MICAL3: variants seen among roughly 807,000 people sequenced by gnomAD.
The protein encoded by MICAL3 is microtubule associated monooxygenase, calponin and LIM domain containing 3.
In MICAL3, 62 loss-of-function variants were observed where a neutral mutation model predicts 207.4. That is an observed-to-expected ratio of 0.30 (90% CI 0.24 to 0.37). MICAL3 has a LOEUF of 0.37. Among genes scored for constraint, MICAL3 ranks in the 10% least tolerant of loss-of-function variants. The probability of loss-of-function intolerance (pLI) is 1.00; values close to 1 mark genes in which losing one functional copy is unlikely to be tolerated. For synonymous variants in MICAL3, 1,077 were observed against 1,069.3 expected (o/e 1.01, Z -0.14); for missense variants, 2,368 against 2,635.6 (o/e 0.90, Z 2.22).
rs776939266 is a variant in MICAL3 at position 17,900,804 on chromosome 22, A to G, written c.847+38T>C. The G allele has an allele frequency of 1.9e-6, 3 of 1,604,928 alleles. No individual in the cohort carries two copies. The South Asian group carries it at 3.3e-5, about 18-fold the overall frequency. On this transcript the variant is annotated intron_variant, in intron 6 of 31. Transcript: ENST00000441493. The surrounding 1 kb of genome is among the most constrained non-coding windows in gnomAD (Gnocchi z 4.0). Reference sequence around the variant, plus strand: ...AGAAAAAGCCACCAGGGACTATTTAAGTTTCTATCCTAGGGCTCCGGAGAC... The same window carrying G: ...AGAAAAAGCCACCAGGGACTATTTAGGTTTCTATCCTAGGGCTCCGGAGAC...
At chr22:17,905,233 A>G (rs1178329120) in intron 2 of MICAL3, among the ~76,000 whole-genome samples, 1 of 152,232 alleles carries the variant, frequency 6.6e-6, no homozygotes, top group Non-Finnish European at 1.5e-5. Flanking sequence ...TTTCTGTCCA[A>G]AGAGATACAG....
chr22:17,904,633 G>A lies in MICAL3; in HGVS notation c.471C>T (p.Ile157=). The change falls in exon 3 of 32, where the codon ATC becomes ATT. Residue 157 remains isoleucine, a splice_region_variant and synonymous_variant. Transcript: ENST00000441493. The stretch of plus-strand genomic sequence containing the variant: ...TACAGGAAAGCTAGTTTTACTTACT[G>A]ATATGGTCGATGGCTCCAGCACAGA... The part of the protein sequence containing the change: ...GKFCAGAIDH[I]SIRQLQLILL... The A allele has an allele frequency of 6.2e-7, 1 of 1,611,600 alleles. No homozygotes were observed. The highest frequency in any genetic ancestry group is 8.5e-7 in the Non-Finnish European group (1 of 1,178,146).
Position 17,985,702 on chromosome 22 carries a change from G to C in MICAL3, c.-75+38579C>G, listed in dbSNP as rs115642890. Among the ~76,000 whole-genome samples the C allele has an allele frequency of 7.0e-3, 1,072 of 152,168 alleles. 9 individuals carry two copies. The highest frequency in any genetic ancestry group is 0.015 in the African/African-American group (607 of 41,506). ...TACTTGACAAATGGCAAAATCATCA[G>C]GTAACTCACCTGAACTCACTGTGCA... On this transcript the variant is annotated intron_variant, in intron 1 of 31. Coordinates refer to ENST00000441493, the MANE Select transcript of MICAL3 (RefSeq NM_015241.3).
intron 19 of MICAL3, chr22:17,861,810 T>C (rs572641779): frequency 3.0e-6 from 3 of 985,296 alleles, no homozygotes; most frequent in African/African-American, 3.5e-5. Flanking sequence ...CTGTAAACAA[T>C]GCCCCCAAAC....
intron 1 of MICAL3, among the ~76,000 whole-genome samples, chr22:17,956,047 G>T (rs1315249864): frequency 1.3e-5 from 2 of 152,174 alleles, no homozygotes; most frequent in Admixed American, 1.3e-4. Flanking sequence ...GGGCTCCTGA[G>T]AGAGTGTCCT....
chr22:17,866,079 G>C, intron 17 of MICAL3, 67 bp from the exon 18 acceptor site: 2 of 1,195,244 alleles, frequency 1.7e-6, no homozygotes, highest in Admixed American at 3.5e-5. Flanking sequence ...TGCCTCCCTG[G>C]TCTCAGCCAC....
chr22:17,910,141 T>C (rs939839033), intron 1 of MICAL3, among the ~76,000 whole-genome samples: 2 of 152,172 alleles, frequency 1.3e-5, no homozygotes, highest in African/African-American at 4.8e-5. Context: ...CTCAGAACCA[T>C]GACATTCTTG....
intron 1 of MICAL3, among the ~76,000 whole-genome samples, chr22:17,923,324 CAGT>C (rs1932841470): frequency 6.6e-6 from 1 of 152,204 alleles, no homozygotes; most frequent in African/African-American, 2.4e-5. Flanking sequence ...TCCCAAAGAC[CAGT>C]TGCCAAAAAC....
At chr22:17,932,525 G>A (rs58629251) in intron 1 of MICAL3, among the ~76,000 whole-genome samples, 4,155 of 152,244 alleles carry the variant, frequency 0.027, 208 homozygotes, top group African/African-American at 0.096. Context: ...GCAAAAACAT[G>A]CCAAATTGTA....
At chr22:17,864,839 C>A (rs1396130070) in intron 19 of MICAL3, 60 bp downstream of exon 19, 1 of 1,613,790 alleles carries the variant, frequency 6.2e-7, no homozygotes, top group South Asian at 1.1e-5. Context: ...ATGCCCTTGG[C>A]CTTGTCACAG....
intron 1 of MICAL3, among the ~76,000 whole-genome samples, chr22:18,011,185 G>A (rs1442626846): frequency 8.5e-5 from 13 of 152,192 alleles, no homozygotes. Context: ...TCATTGACAA[G>A]TAGGCAGAGA....
At chr22:17,881,824 G>A (rs1929457490) in intron 16 of MICAL3, among the ~76,000 whole-genome samples, 1 of 152,214 alleles carries the variant, frequency 6.6e-6, no homozygotes, top group Non-Finnish European at 1.5e-5. Context: ...AAAGGCAGGA[G>A]CATGATGTCA....
chr22:17,882,457 AG>A (rs1356474271), intron 16 of MICAL3, among the ~76,000 whole-genome samples: 1 of 152,180 alleles, frequency 6.6e-6, no homozygotes, highest in Non-Finnish European at 1.5e-5. Flanking sequence ...CAGCCATGGG[AG>A]GCATCAGACA....
chr22:17,790,956 T>C (rs769276296), intron 31 of MICAL3, 40 bp from the exon 32 acceptor site: 8 of 1,612,874 alleles, frequency 5.0e-6, no homozygotes, highest in African/African-American at 1.3e-5. Flanking sequence ...GGCCTGGAGG[T>C]GGCACCCACC....
chr22:17,976,493 T>C (rs1269353863), intron 1 of MICAL3, among the ~76,000 whole-genome samples: 9 of 149,846 alleles, frequency 6.0e-5, no homozygotes, highest in Non-Finnish European at 1.2e-4. Context: ...TTTAAATCAG[T>C]GGCATGATGA....
intron 1 of MICAL3, among the ~76,000 whole-genome samples, chr22:18,015,355 C>T (rs566759540): frequency 3.3e-5 from 5 of 149,424 alleles, no homozygotes; most frequent in East Asian, 2.0e-4. Context: ...TTTGAGGGTG[C>T]TTTGTTATTG....
chr22:17,896,896 A>T lies in MICAL3; in HGVS notation c.1034T>A (p.Phe345Tyr). The change falls in exon 8 of 32, where the codon TTC becomes TAC. Residue 345 changes from phenylalanine to tyrosine, a missense_variant. Phe to Tyr is a conservative substitution (Grantham distance 22, BLOSUM62 3). Coordinates refer to ENST00000441493, the MANE Select transcript of MICAL3 (RefSeq NM_015241.3). ...LLSYAREAADFSTQQQLPSLD... is the reference protein window; with the variant it reads ...LLSYAREAADYSTQQQLPSLD... ...AGACGGCAGCTGCTGCTGGGTAGAGAAGTCTGCCGCCTCCCTGGCATAGCT... is the reference window on the plus strand; with the variant it reads ...AGACGGCAGCTGCTGCTGGGTAGAGTAGTCTGCCGCCTCCCTGGCATAGCT... The T allele has an allele frequency of 1.2e-6, 2 of 1,613,906 alleles. No individual in the cohort carries two copies. Among genetic ancestry groups the T allele is most frequent in the Non-Finnish European group, 1.7e-6 (2 of 1,179,894 alleles).
At chr22:18,012,754 T>C (rs1227874561) in intron 1 of MICAL3, among the ~76,000 whole-genome samples, 1 of 152,242 alleles carries the variant, frequency 6.6e-6, no homozygotes, top group Non-Finnish European at 1.5e-5. Flanking sequence ...GGTGATTTAC[T>C]GGTCTGGAAT....
chr22:17,864,304 G>C, intron 19 of MICAL3: 1 of 1,094,650 alleles, frequency 9.1e-7, no homozygotes, highest in Non-Finnish European at 1.1e-6. Context: ...AGTGGCCAAG[G>C]GGTCAGGACA....
Sources: gnomAD v4.1 joint callset for allele counts (sites outside exome capture counted in the v4.1 genomes callset) on GRCh38, gnomAD v4.1.1 for gene constraint, Gnocchi (gnomAD v3.1) non-coding constraint, MANE v1.5 for transcripts, NCBI Gene and HGNC (gene_info 2026-07-23, HGNC 2026-07-21) for gene names.